The following HSPG2 variants were observed in gnomAD, a reference collection of about 807,000 sequenced individuals.
HSPG2 encodes heparan sulfate proteoglycan 2.
A neutral mutation model predicts 526.6 loss-of-function variants in HSPG2; 278 were observed. The observed-to-expected ratio is 0.53, with a 90% confidence interval of 0.48 to 0.58. The LOEUF (loss-of-function observed/expected upper bound fraction) is 0.58, where lower values mean the gene tolerates loss of function less well. HSPG2 is among the 20% of genes least tolerant of loss of function. The pLI is 0.00. For missense variants in HSPG2, 5,354 were observed against 6,099.5 expected (o/e 0.88, Z 4.07); for synonymous variants, 2,465 against 2,555.4 (o/e 0.96, Z 1.07).
rs139873789 is a variant in HSPG2, at chr1:21,887,500, C to T, written c.878G>A (p.Arg293His). Residue 293 changes from arginine to histidine, a missense_variant, in exon 8 of 97, where the codon CGC becomes CAC. Arg to His is a conservative substitution (Grantham distance 29). Transcript: ENST00000374695. The surrounding 1 kb of genome is among the most constrained non-coding windows in gnomAD (Gnocchi z 5.0). ...LPCGPQEAAC[R>H]NGHCIPRDYL... Reference sequence around the variant, plus strand: ...GTCTCTGGGGATGCAGTGCCCATTGCGGCATGCGGCCTCCTGGGGCCCACA... The same window carrying T: ...GTCTCTGGGGATGCAGTGCCCATTGTGGCATGCGGCCTCCTGGGGCCCACA... 210 of 1,613,972 alleles carry T rather than the reference C, an allele frequency of 1.3e-4. No homozygotes were observed. The highest frequency in any genetic ancestry group is 7.5e-4 in the Admixed American group (45 of 60,010).
At chr1:21,878,701 G>C (rs561404121) in intron 18 of HSPG2, 38 bp from the exon 19 acceptor site, 3 of 1,575,578 alleles carry the variant, frequency 1.9e-6, no homozygotes, top group African/African-American at 2.7e-5. Context: ...GGGCAGGGCT[G>C]GGGTCAGGCT....
At chr1:21,862,813 G>C (rs956146779) in intron 37 of HSPG2, among the ~76,000 whole-genome samples, 1 of 151,514 alleles carries the variant, frequency 6.6e-6, no homozygotes, top group East Asian at 2.0e-4. Context: ...AGTGGCTCAC[G>C]CCTGTAATCT....
intron 42 of HSPG2, among the ~76,000 whole-genome samples, chr1:21,857,792 C>T (rs990380586): frequency 2.0e-5 from 3 of 152,146 alleles, no homozygotes; most frequent in East Asian, 3.9e-4. Flanking sequence ...TAGCTAGTGG[C>T]GCTGACACAC....
chr1:21,868,249 G>A (rs1397761774), intron 33 of HSPG2, among the ~76,000 whole-genome samples: 2 of 151,536 alleles, frequency 1.3e-5, no homozygotes, highest in East Asian at 3.9e-4. Context: ...ATGTTGGCCA[G>A]GCTGGTCTCG....
In HSPG2 at chr1:21,848,525, A is replaced by T; in HGVS notation, c.7737+118T>A. The T allele has an allele frequency of 8.3e-7, 1 of 1,200,586 alleles. No individual in the cohort carries two copies. Among genetic ancestry groups the T allele is most frequent in the Non-Finnish European group, 1.2e-6 (1 of 811,540 alleles). The allele number at this position is 1,200,586 out of a possible 1,614,324, so 74.4% of individuals were successfully genotyped here. Reference sequence around the variant, plus strand: ...CTGGTCTAGGACCCATCCAGCAAGGATACTCAATGTTTGTTGAATGACTGA... The same window carrying T: ...CTGGTCTAGGACCCATCCAGCAAGGTTACTCAATGTTTGTTGAATGACTGA... On this transcript the variant is annotated intron_variant, in intron 59 of 96. Transcript: ENST00000374695. The surrounding 1 kb of genome is among the most constrained non-coding windows in gnomAD (Gnocchi z 4.9).
chr1:21,914,653 C>T (rs1643837235), intron 1 of HSPG2, among the ~76,000 whole-genome samples: 1 of 152,176 alleles, frequency 6.6e-6, no homozygotes, highest in Non-Finnish European at 1.5e-5. Flanking sequence ...AGACCAGCTG[C>T]AGCTCCTTGC....
At chr1:21,877,902 T>C (rs1641206254) in intron 21 of HSPG2, among the ~76,000 whole-genome samples, 2 of 152,176 alleles carry the variant, frequency 1.3e-5, no homozygotes, top group South Asian at 4.1e-4. Flanking sequence ...AATGTGACAA[T>C]GGACAAAGTA....
chr1:21,876,193 C>T, intron 23 of HSPG2, 36 bp downstream of exon 23: 2 of 1,582,886 alleles, frequency 1.3e-6, no homozygotes, highest in Non-Finnish European at 1.7e-6. Flanking sequence ...GTTCCTGCTG[C>T]CTGGAGTTTC....
rs1416303451 is a variant in HSPG2, at chr1:21,854,236, C to T, written c.6396G>A (p.Val2132=). 1 of 1,597,182 alleles carries T rather than the reference C, an allele frequency of 6.3e-7. No homozygotes were observed. The highest frequency in any genetic ancestry group is 8.5e-7 in the Non-Finnish European group (1 of 1,171,562). ...GSGPKEASIT[V]SVLHGTHSGP... is the part of the protein sequence containing the mutation. ...CAGAATGGGTGCCGTGGAGCACAGACACAGTAATGGAGGCCTCCTTGGGGC... is the reference window on the plus strand; with the variant it reads ...CAGAATGGGTGCCGTGGAGCACAGATACAGTAATGGAGGCCTCCTTGGGGC... The change falls in exon 50 of 97, where the codon GTG becomes GTA. Residue 2132 remains valine (V), a synonymous_variant. Coordinates refer to ENST00000374695, the MANE Select transcript of HSPG2 (RefSeq NM_005529.7).
At chr1:21,843,569 C>CA (rs1329059379) in intron 65 of HSPG2, 131 bp from the exon 66 acceptor site, 2 of 906,596 alleles carry the variant, frequency 2.2e-6, no homozygotes, top group Non-Finnish European at 3.3e-6. Context: ...ACCCCTTTGA[C>CA]AGTCCGCATT....
Position 21,852,771 on chromosome 1 carries a change from C to T in HSPG2, c.6653G>A (p.Cys2218Tyr), listed in dbSNP as rs778559392. 7.4e-6 allele frequency: 12 copies of T among 1,613,120 alleles called. No individual in the cohort carries two copies. Among genetic ancestry groups the T allele is most frequent in the Non-Finnish European group, 1.0e-5 (12 of 1,179,988 alleles). Residue 2218 changes from cysteine (C) to tyrosine (Y), a missense_variant, in exon 52 of 97, where the codon TGC (cysteine) becomes TAC (tyrosine). Physicochemically the swap from Cys to Tyr is radical, Grantham distance 194. Transcript: ENST00000374695. ...GGGGCCGGAGGTGCCCACCACATGG[C>T]ACACATACTCGCCTGAGTCGGCCGG... ...VTPADSGEYV[C>Y]HVVGTSGPLE...
chr1:21,873,791 C>T, intron 29 of HSPG2, 134 bp downstream of exon 29: 2 of 738,918 alleles, frequency 2.7e-6, no homozygotes, highest in Non-Finnish European at 4.5e-6. Context: ...AGCTGACTGT[C>T]TTCTGGGGCC....
chr1:21,871,077 G>T (rs1338704219), intron 33 of HSPG2, among the ~76,000 whole-genome samples: 1 of 152,218 alleles, frequency 6.6e-6, no homozygotes, highest in Middle Eastern at 3.4e-3. Flanking sequence ...CAGAGCGTGG[G>T]TGCCACCGGA....
rs369907939 is a variant in HSPG2, at chr1:21,890,297, C to T, written c.413+130G>A. 1.0e-4 allele frequency: 127 copies of T among 1,275,452 alleles called. 1 individual carries two copies. The South Asian group carries it at 1.4e-3, about 14-fold the overall frequency. The allele number at this position is 1,275,452 out of a possible 1,614,324, so 79.0% of individuals were successfully genotyped here. A position where few individuals can be genotyped will look rare whatever the true frequency, so the allele number is the denominator to read the frequency against. On this transcript the variant is annotated intron_variant, in intron 5 of 96. Coordinates refer to ENST00000374695, the MANE Select transcript of HSPG2 (RefSeq NM_005529.7). The surrounding 1 kb of genome is among the most constrained non-coding windows in gnomAD (Gnocchi z 4.1). Reference sequence around the variant, plus strand: ...GTCCCAATGATCCCCCGACCAATTCCTGAATTTCCACCCACAGCGACTCAT... The same window carrying T: ...GTCCCAATGATCCCCCGACCAATTCTTGAATTTCCACCCACAGCGACTCAT...
rs1013517590 is a variant in HSPG2, at chr1:21,865,398, C to A, written c.4315-33G>T. 7 of 1,605,022 alleles carry A rather than the reference C, an allele frequency of 4.4e-6. No homozygotes were observed. The Admixed American group carries it at 1.0e-4, about 23-fold the overall frequency. On this transcript the variant is annotated intron_variant, in intron 34 of 96. Coordinates refer to ENST00000374695, the MANE Select transcript of HSPG2 (RefSeq NM_005529.7). The surrounding 1 kb of genome is among the most constrained non-coding windows in gnomAD (Gnocchi z 5.4). ...GACACCAGCAGGATTGGAAGGGGAG[C>A]CGAGGGGTCCCTGGGGTGCCAGGGT...
In HSPG2 at chr1:21,876,139, C is replaced by G. The variant is rs1641045344; in HGVS notation, c.3003+90G>C. 6 of 1,569,460 alleles carry G rather than the reference C, an allele frequency of 3.8e-6. No homozygotes were observed. In the South Asian group the frequency reaches 6.8e-5, roughly 18 times the overall value. ...CCATGCAGTGTATCTCACTATTCTC[C>G]CAAGGCACCACGACCCTCCCGCCTC... On this transcript the variant is annotated intron_variant, in intron 23 of 96. Transcript: ENST00000374695.
chr1:21,863,880 A>T (rs944991079), intron 37 of HSPG2, among the ~76,000 whole-genome samples: 1 of 152,216 alleles, frequency 6.6e-6, no homozygotes, highest in Non-Finnish European at 1.5e-5. Flanking sequence ...AGAAAAAAAT[A>T]GTAAAGAACC....
intron 1 of HSPG2, among the ~76,000 whole-genome samples, chr1:21,930,078 T>G (rs1318303944): frequency 6.6e-6 from 1 of 152,018 alleles, no homozygotes; most frequent in Admixed American, 6.6e-5. Flanking sequence ...GCCACCCCCC[T>G]GCCTGCTGCA....
chr1:21,904,620 G>A lies in HSPG2; in HGVS notation c.64-8310C>T, dbSNP rs1643273404. ...GAATGAGCTGCCTGCCAGCTTACAG[G>A]GAACCAGGAAGCCACCGGGAAATGC... On this transcript the variant is annotated intron_variant, in intron 1 of 96. Transcript: ENST00000374695. The surrounding 1 kb of genome is among the most constrained non-coding windows in gnomAD (Gnocchi z 4.4). Among the ~76,000 whole-genome samples the A allele has an allele frequency of 6.6e-6, 1 of 152,224 alleles. No homozygotes were observed. The highest frequency in any genetic ancestry group is 2.4e-5 in the African/African-American group (1 of 41,458).
Sources: gnomAD v4.1 joint callset for allele counts (sites outside exome capture counted in the v4.1 genomes callset) on GRCh38, gnomAD v4.1.1 for gene constraint, Gnocchi (gnomAD v3.1) non-coding constraint, MANE v1.5 for transcripts, NCBI Gene and HGNC (gene_info 2026-07-23, HGNC 2026-07-21) for gene names.